CSMD1: variants seen among roughly 807,000 people sequenced by gnomAD.
CSMD1 encodes CUB and Sushi multiple domains 1, also known as CUB and sushi domain-containing protein 1.
Under a neutral mutation model 417.5 loss-of-function variants are expected in CSMD1, and 213 were observed. That is an observed-to-expected ratio of 0.51 (90% CI 0.46 to 0.57). The LOEUF (loss-of-function observed/expected upper bound fraction) is 0.57, where lower values mean the gene tolerates loss of function less well. Ranked by LOEUF, CSMD1 falls within the 20% of genes least tolerant of loss-of-function variation. The pLI is 0.00. For missense variants in CSMD1, 6,923 were observed against 4,529.7 expected, an observed-to-expected ratio of 1.53 and a Z score of -15.17; for synonymous variants, 2,862 against 1,736.8, an observed-to-expected ratio of 1.65 and a Z score of -16.11.
At chr8:4,495,771 T>C (rs1437747702) in intron 2 of CSMD1, among the ~76,000 whole-genome samples, 2 of 152,178 alleles carry the variant, frequency 1.3e-5, no homozygotes, top group African/African-American at 4.8e-5. Flanking sequence ...TATTTTAACA[T>C]TCAAATATAC....
At chr8:4,013,849 C>T (rs1379883154) in intron 4 of CSMD1, among the ~76,000 whole-genome samples, 2 of 152,100 alleles carry the variant, frequency 1.3e-5, no homozygotes, top group African/African-American at 4.8e-5. Flanking sequence ...TCTACAGTGA[C>T]AGACAAGGGT....
intron 2 of CSMD1, among the ~76,000 whole-genome samples, chr8:4,438,722 C>T (rs966518833): frequency 3.3e-5 from 5 of 152,232 alleles, no homozygotes; most frequent in African/African-American, 7.2e-5. Context: ...AGATTACCTG[C>T]AGTTACCTGC....
rs1489430117 is a variant in CSMD1 at position 4,239,206 on chromosome 8, AGT to A, written c.415+180745_415+180746del. On this transcript the variant is annotated intron_variant, in intron 3 of 69. Transcript: ENST00000635120. The stretch of plus-strand genomic sequence containing the variant: ...TCTTCTTACATTAGAGATACAGTTG[AGT>A]CTCACGTTTCACATCCTGCCAAACT... Among the ~76,000 whole-genome samples, 4 of 152,328 alleles carry A rather than the reference AGT, an allele frequency of 2.6e-5. No individual in the cohort carries two copies. In the East Asian group the frequency reaches 7.7e-4, roughly 29 times the overall value.
At chr8:4,461,478 T>G (rs954067306) in intron 2 of CSMD1, among the ~76,000 whole-genome samples, 1 of 142,938 alleles carries the variant, frequency 7.0e-6, no homozygotes, top group African/African-American at 2.6e-5. Flanking sequence ...TAAAAACTAT[T>G]AGAATTTAAG....
intron 3 of CSMD1, among the ~76,000 whole-genome samples, chr8:4,266,975 TAAG>T (rs944238361): frequency 2.9e-5 from 3 of 104,396 alleles, no homozygotes; most frequent in East Asian, 2.6e-4. Flanking sequence ...TTTTGGAACT[TAAG>T]AAGATAAAAA....
At chr8:4,254,626 C>A (rs1353999156) in intron 3 of CSMD1, among the ~76,000 whole-genome samples, 2 of 152,168 alleles carry the variant, frequency 1.3e-5, no homozygotes, top group East Asian at 3.9e-4. Flanking sequence ...AACTTCCAGG[C>A]CTGCAAGATT....
chr8:3,877,683 G>C (rs1427417098), intron 5 of CSMD1, among the ~76,000 whole-genome samples: 6 of 120,780 alleles, frequency 5.0e-5, no homozygotes, highest in African/African-American at 2.0e-4. Flanking sequence ...TGAGCACATG[G>C]CTTGTACATT....
chr8:3,777,946 T>A (rs13439098), intron 5 of CSMD1, among the ~76,000 whole-genome samples: 146 of 146,154 alleles, frequency 1.0e-3, no homozygotes, highest in African/African-American at 3.4e-3. Context: ...GAGTCTCAGT[T>A]CCCACTCCAG....
chr8:3,533,128 C>G (rs1340331801), intron 10 of CSMD1, among the ~76,000 whole-genome samples: 2 of 152,162 alleles, frequency 1.3e-5, no homozygotes, highest in African/African-American at 4.8e-5. Context: ...CATGAAAGGA[C>G]TTATTTTTGC....
At chr8:3,708,690 T>A (rs142642802) in intron 6 of CSMD1, among the ~76,000 whole-genome samples, 199 bp from the exon 7 acceptor site, 5 of 152,286 alleles carry the variant, frequency 3.3e-5, no homozygotes, top group African/African-American at 1.2e-4. Flanking sequence ...AGCAGCAAGA[T>A]CACATCTTAC....
intron 8 of CSMD1, among the ~76,000 whole-genome samples, chr8:3,591,401 G>C (rs1023763170): frequency 1.3e-5 from 2 of 152,050 alleles, no homozygotes; most frequent in South Asian, 4.2e-4. Context: ...TTCCAAACAC[G>C]CTTTAGTTGT....
intron 3 of CSMD1, among the ~76,000 whole-genome samples, chr8:4,330,202 TC>T (rs1409354074): frequency 2.0e-5 from 3 of 152,108 alleles, no homozygotes; most frequent in African/African-American, 7.2e-5. Flanking sequence ...CCACAATTTC[TC>T]CATAACACCC....
At chr8:4,724,383 T>C (rs1011788955) in intron 1 of CSMD1, among the ~76,000 whole-genome samples, 1 of 152,124 alleles carries the variant, frequency 6.6e-6, no homozygotes, top group African/African-American at 2.4e-5. Flanking sequence ...AGTTTTCTTA[T>C]AACCCATGTG....
At chr8:3,768,103 C>G (rs754495005) in intron 5 of CSMD1, among the ~76,000 whole-genome samples, 3 of 152,122 alleles carry the variant, frequency 2.0e-5, no homozygotes, top group Non-Finnish European at 4.4e-5. Context: ...TATTTAAAGA[C>G]AGGCCAAAAT....
At chr8:4,139,503 C>A (rs1352378831) in intron 3 of CSMD1, among the ~76,000 whole-genome samples, 1 of 145,372 alleles carries the variant, frequency 6.9e-6, no homozygotes, top group Non-Finnish European at 1.5e-5. Context: ...GAATGGTCTG[C>A]ATTCAGTGTT....
intron 5 of CSMD1, among the ~76,000 whole-genome samples, chr8:3,861,786 C>T (rs1219132624): frequency 6.6e-6 from 1 of 152,170 alleles, no homozygotes; most frequent in South Asian, 2.1e-4. Context: ...ACTGAGTATC[C>T]TGTCTGCTTA....
At chr8:4,525,467 G>T (rs760356912) in intron 2 of CSMD1, among the ~76,000 whole-genome samples, 1 of 152,114 alleles carries the variant, frequency 6.6e-6, no homozygotes, top group Non-Finnish European at 1.5e-5. Context: ...AAATTATGCA[G>T]ATAACACATT....
chr8:3,300,901 G>A (rs777741797), intron 25 of CSMD1, among the ~76,000 whole-genome samples: 1 of 139,554 alleles, frequency 7.2e-6, no homozygotes, highest in Non-Finnish European at 1.5e-5. Context: ...TGAGGTTGCA[G>A]TGAGCCAGGA....
At chr8:3,144,103 G>C (rs1044928685) in intron 40 of CSMD1, among the ~76,000 whole-genome samples, 1 of 152,160 alleles carries the variant, frequency 6.6e-6, no homozygotes, top group Non-Finnish European at 1.5e-5. Flanking sequence ...CCTGGGGTCC[G>C]ATTTGCCAAC....
Sources: gnomAD v4.1 joint callset for allele counts (sites outside exome capture counted in the v4.1 genomes callset) on GRCh38, gnomAD v4.1.1 for gene constraint, MANE v1.5 for transcripts, NCBI Gene and HGNC (gene_info 2026-07-23, HGNC 2026-07-21) for gene names.